The following BMPR1A variants were observed in gnomAD, a reference collection of about 807,000 sequenced individuals.
The protein encoded by BMPR1A is bone morphogenetic protein receptor type-1A.
In BMPR1A, 7 loss-of-function variants were observed where a neutral mutation model predicts 66.0. The observed-to-expected ratio is 0.11, with a 90% confidence interval of 0.06 to 0.20. BMPR1A has a LOEUF of 0.20. BMPR1A is among the 10% of genes least tolerant of loss of function. The probability of loss-of-function intolerance (pLI) is 1.00; values close to 1 mark genes in which losing one functional copy is unlikely to be tolerated. For synonymous variants in BMPR1A, 200 were observed against 229.7 expected, an observed-to-expected ratio of 0.87 and a Z score of 1.17; for missense variants, 408 against 669.1, an observed-to-expected ratio of 0.61 and a Z score of 4.31.
intron 9 of BMPR1A, among the ~76,000 whole-genome samples, chr10:86,918,360 G>A (rs970450512): frequency 2.0e-5 from 3 of 152,292 alleles, no homozygotes; most frequent in Admixed American, 1.3e-4. Flanking sequence ...AGGGAAGAGG[G>A]TAGGAGAGAA....
chr10:86,795,810 C>T (rs759309821), intron 1 of BMPR1A, among the ~76,000 whole-genome samples: 1 of 151,782 alleles, frequency 6.6e-6, no homozygotes, highest in Non-Finnish European at 1.5e-5. Context: ...TTTGTATATT[C>T]AGAGGTATTT....
At chr10:86,765,906 C>T (rs574389398) in intron 1 of BMPR1A, among the ~76,000 whole-genome samples, 9 of 151,540 alleles carry the variant, frequency 5.9e-5, no homozygotes, top group Non-Finnish European at 7.4e-5. Context: ...TGGGGTCATA[C>T]GATACATCCT....
chr10:86,881,591 A>G (rs1842986465), intron 3 of BMPR1A, among the ~76,000 whole-genome samples: 1 of 152,228 alleles, frequency 6.6e-6, no homozygotes, highest in South Asian at 2.1e-4. Context: ...TGTGGCTACC[A>G]TATTGGACAG....
chr10:86,762,825 G>A (rs1478288785), intron 1 of BMPR1A, among the ~76,000 whole-genome samples: 3 of 152,230 alleles, frequency 2.0e-5, no homozygotes, highest in African/African-American at 7.2e-5. Context: ...AGGCTTTCCT[G>A]AGAAAGGTAG....
downstream of BMPR1A, chr10:86,932,496 C>T (rs1012524845): frequency 2.6e-5 from 4 of 152,340 alleles, no homozygotes; most frequent in African/African-American, 9.7e-5. Context: ...ATCCTCCCGC[C>T]TCAGCCTCCC....
chr10:86,906,457 C>T lies in BMPR1A; in HGVS notation c.531-5783C>T, dbSNP rs1488087982. On this transcript the variant is annotated intron_variant, in intron 7 of 12. Transcript: ENST00000372037. ...CCTTTTGGCTGGGCGCGGTGGCTCACGCCTGTAATCCCAGCACTTTGGGAG... is the reference window on the plus strand; with the variant it reads ...CCTTTTGGCTGGGCGCGGTGGCTCATGCCTGTAATCCCAGCACTTTGGGAG... Among the ~76,000 whole-genome samples the T allele has an allele frequency of 3.2e-4, 13 of 40,814 alleles. 4 individuals carry two copies. Among genetic ancestry groups the T allele is most frequent in the African/African-American group, 2.7e-3 (8 of 2,940 alleles). The allele number at this position is 40,814 out of a possible 152,430, so 26.8% of individuals were successfully genotyped here.
intron 1 of BMPR1A, among the ~76,000 whole-genome samples, chr10:86,795,599 G>A (rs1308074923): frequency 6.6e-6 from 1 of 152,150 alleles, no homozygotes; most frequent in Non-Finnish European, 1.5e-5. Flanking sequence ...AGAAGCAATA[G>A]TGAGGCTAGA....
At chr10:86,813,307 G>A (rs1262472967) in intron 1 of BMPR1A, among the ~76,000 whole-genome samples, 2 of 152,058 alleles carry the variant, frequency 1.3e-5, no homozygotes, top group Non-Finnish European at 2.9e-5. Flanking sequence ...GACTTTCCGG[G>A]AACATCTTTT....
intron 3 of BMPR1A, 70 bp from the exon 4 acceptor site, chr10:86,889,992 A>G: frequency 1.3e-6 from 2 of 1,555,896 alleles, no homozygotes; most frequent in Non-Finnish European, 1.8e-6. Context: ...ACTTTTTCTC[A>G]TTGAAAATTG....
At chr10:86,855,269 CA>C in intron 2 of BMPR1A, 13 of 1,099,992 alleles carry the variant, frequency 1.2e-5, no homozygotes, top group African/African-American at 1.6e-5. Flanking sequence ...TCTGGCCATA[CA>C]AAAACCTCAG....
At chr10:86,904,792 A>T (rs999310141) in intron 7 of BMPR1A, among the ~76,000 whole-genome samples, 31 of 152,348 alleles carry the variant, frequency 2.0e-4, no homozygotes, top group African/African-American at 7.5e-4. Flanking sequence ...TTCACAGAAC[A>T]TACAATCAGA....
intron 2 of BMPR1A, chr10:86,855,569 T>C: frequency 1.9e-6 from 1 of 533,202 alleles, no homozygotes; most frequent in Non-Finnish European, 3.4e-6. Flanking sequence ...TTTTTTGAAA[T>C]AGTACTTTTC....
At chr10:86,920,859 T>TC (rs938833926) in intron 10 of BMPR1A, among the ~76,000 whole-genome samples, 14 of 147,294 alleles carry the variant, frequency 9.5e-5, no homozygotes, top group African/African-American at 3.5e-4. Flanking sequence ...TTCTTTTCTT[T>TC]TTTTTTTTTT....
chr10:86,800,980 C>T (rs920474418), intron 1 of BMPR1A, among the ~76,000 whole-genome samples: 2 of 152,096 alleles, frequency 1.3e-5, no homozygotes, highest in Non-Finnish European at 2.9e-5. Context: ...CTAGAGATGG[C>T]AAGAAACTTT....
intron 1 of BMPR1A, among the ~76,000 whole-genome samples, chr10:86,760,919 G>C (rs1276904116): frequency 6.6e-6 from 1 of 152,218 alleles, no homozygotes; most frequent in Non-Finnish European, 1.5e-5. Flanking sequence ...AAGATACACA[G>C]TAGTGTTACA....
chr10:86,812,479 C>T (rs1235840072), intron 1 of BMPR1A, among the ~76,000 whole-genome samples: 1 of 152,174 alleles, frequency 6.6e-6, no homozygotes, highest in African/African-American at 2.4e-5. Flanking sequence ...TCTATACATT[C>T]ATGTATACAT....
chr10:86,822,904 A>T (rs1842142066), intron 1 of BMPR1A, among the ~76,000 whole-genome samples: 1 of 152,156 alleles, frequency 6.6e-6, no homozygotes, highest in African/African-American at 2.4e-5. Context: ...TGCTGGGATT[A>T]TAGATGCAAG....
At chr10:86,805,843 G>C (rs573916231) in intron 1 of BMPR1A, among the ~76,000 whole-genome samples, 1 of 151,204 alleles carries the variant, frequency 6.6e-6, no homozygotes, top group South Asian at 2.1e-4. Context: ...ACATTGAGGC[G>C]GCACTTTGAT....
At chr10:86,803,798 CTT>C (rs547245068) in intron 1 of BMPR1A, among the ~76,000 whole-genome samples, 182 of 152,194 alleles carry the variant, frequency 1.2e-3, no homozygotes, top group African/African-American at 4.1e-3. Flanking sequence ...TTCCAACTGT[CTT>C]TAGAAATGTT....
Sources: allele counts gnomAD v4.1 joint callset (sites outside exome capture counted in the v4.1 genomes callset), GRCh38; gene constraint gnomAD v4.1.1; transcripts MANE v1.5; gene names NCBI Gene and HGNC (gene_info 2026-07-23, HGNC 2026-07-21).